Variants in GABRA4 observed in about 807,000 individuals in gnomAD.
GABRA4 encodes the protein gamma-aminobutyric acid type A receptor subunit alpha4.
A neutral mutation model predicts 49.7 loss-of-function variants in GABRA4; 12 were observed. The observed-to-expected ratio is 0.24, with a 90% confidence interval of 0.15 to 0.39. The LOEUF (loss-of-function observed/expected upper bound fraction) is 0.39. Among genes scored for constraint, GABRA4 ranks in the 10% least tolerant of loss-of-function variants. The pLI, the probability that GABRA4 is intolerant of heterozygous loss-of-function variation, is 1.00. For missense variants in GABRA4, 506 were observed against 686.0 expected, an observed-to-expected ratio of 0.74 and a Z score of 2.93; for synonymous variants, 288 against 240.2, an observed-to-expected ratio of 1.20 and a Z score of -1.84.
At chr4:46,953,011 A>G (rs1722226038) in intron 8 of GABRA4, among the ~76,000 whole-genome samples, 1 of 152,088 alleles carries the variant, frequency 6.6e-6, no homozygotes, top group South Asian at 2.1e-4. Flanking sequence ...GCACCTGGCT[A>G]TGTGTTAGGA....
At chr4:46,942,878 A>G (rs1270729341) in intron 8 of GABRA4, among the ~76,000 whole-genome samples, 1 of 152,070 alleles carries the variant, frequency 6.6e-6, no homozygotes, top group Non-Finnish European at 1.5e-5. Flanking sequence ...TGCTTTGAAT[A>G]CAATATTTAT....
At chr4:46,984,536 A>G (rs1723467661) in intron 2 of GABRA4, among the ~76,000 whole-genome samples, 3 of 152,020 alleles carry the variant, frequency 2.0e-5, no homozygotes, top group African/African-American at 7.2e-5. Flanking sequence ...TAATCCATCA[A>G]TCCTGGTCTA....
intron 8 of GABRA4, among the ~76,000 whole-genome samples, chr4:46,961,730 G>A (rs542826103): frequency 5.9e-5 from 9 of 151,832 alleles, no homozygotes; most frequent in Non-Finnish European, 1.2e-4. Flanking sequence ...AAATACCATA[G>A]ACTGTATTTA....
chr4:46,991,828 T>C lies in GABRA4; in HGVS notation c.205+1000A>G, dbSNP rs1033300208. Among the ~76,000 whole-genome samples, 4 of 152,244 alleles carry C rather than the reference T, an allele frequency of 2.6e-5. No individual in the cohort carries two copies. In the East Asian group the frequency reaches 7.7e-4, roughly 29 times the overall value. On this transcript the variant is annotated intron_variant, in intron 2 of 8. Transcript: ENST00000264318. ...ACAAAATGCCTGGTATATGTGAACA[T>C]TTAATTAAATAAATACAATATTACT...
At chr4:46,942,849 G>C (rs958129465) in intron 8 of GABRA4, among the ~76,000 whole-genome samples, 9 of 151,908 alleles carry the variant, frequency 5.9e-5, no homozygotes, top group Non-Finnish European at 8.8e-5. Context: ...TAATCTTCAG[G>C]TGAATGGGCC....
At chr4:46,930,635 A>ATTT (rs5858045) in intron 8 of GABRA4, among the ~76,000 whole-genome samples, 27 of 150,888 alleles carry the variant, frequency 1.8e-4, no homozygotes, top group East Asian at 3.9e-4. Flanking sequence ...AAAGAAATAC[A>ATTT]TTTTTTTTTC....
intron 2 of GABRA4, among the ~76,000 whole-genome samples, 197 bp from the exon 3 acceptor site, chr4:46,979,295 A>G (rs1723266323): frequency 6.6e-6 from 1 of 152,118 alleles, no homozygotes; most frequent in Non-Finnish European, 1.5e-5. Context: ...GTGTTTACTT[A>G]CAGGCAAAAA....
At position 46,965,239 on chromosome 4, in the gene GABRA4, A is replaced by C. The variant is rs764691765; in HGVS notation, c.875-10T>G. 4 of 1,426,288 alleles carry C rather than the reference A, an allele frequency of 2.8e-6. No individual in the cohort carries two copies. In the South Asian group the frequency reaches 7.0e-5, roughly 25 times the overall value. The allele number at this position is 1,426,288 out of a possible 1,614,324, so 88.4% of individuals were successfully genotyped here. On this transcript the variant is annotated splice_polypyrimidine_tract_variant and intron_variant, in intron 7 of 8. Transcript: ENST00000264318. ...AGGACAGTTGTTATTCCTTCAAAGC[A>C]AAAGAGCAGAGAGACAAAACACCTT...
intron 2 of GABRA4, among the ~76,000 whole-genome samples, chr4:46,989,208 G>A (rs1344464201): frequency 1.3e-5 from 2 of 152,162 alleles, no homozygotes; most frequent in Non-Finnish European, 2.9e-5. Context: ...AATGAGTGAC[G>A]GCAGGTTTCC....
chr4:46,940,006 C>A (rs1436789921), intron 8 of GABRA4, among the ~76,000 whole-genome samples: 2 of 151,926 alleles, frequency 1.3e-5, no homozygotes, highest in African/African-American at 2.4e-5. Context: ...CTACAGAAAA[C>A]TGTATCTTAA....
Position 46,923,630 on chromosome 4 carries a change from A to G in GABRA4, c.*4595T>C, listed in dbSNP as rs1316009532. Reference sequence around the variant, plus strand: ...CAAAGTTTAAGACAGGAAAGAAAAAATAAGAGATCTCAACTGTTCCACTAC... The same window carrying G: ...CAAAGTTTAAGACAGGAAAGAAAAAGTAAGAGATCTCAACTGTTCCACTAC... On this transcript the variant is annotated 3_prime_UTR_variant, in exon 9 of 9. Coordinates refer to ENST00000264318, the MANE Select transcript of GABRA4 (RefSeq NM_000809.4). The G allele has an allele frequency of 2.0e-5, 3 of 152,286 alleles. No homozygotes were observed. The highest frequency in any genetic ancestry group is 7.2e-5 in the African/African-American group (3 of 41,572). The allele number at this position is 152,286 out of a possible 1,614,324, so 9.4% of individuals were successfully genotyped here. A position where few individuals can be genotyped will look rare whatever the true frequency, so the allele number is the denominator to read the frequency against.
rs753432226 is a variant in GABRA4, at chr4:46,928,748, T to A, written c.1142A>T (p.Asn381Ile). Reference protein sequence around the residue: ...KHPEAPLQNTNANLNMRKRTN... With the variant: ...KHPEAPLQNTIANLNMRKRTN... The stretch of plus-strand genomic sequence containing the variant: ...TCTTTTTCTCATGTTCAAATTGGCA[T>A]TTGTATTCTGAAAAGGTATATGAAA... The change falls in exon 9 of 9, where the codon AAT (asparagine) becomes ATT (isoleucine). Residue 381 changes from asparagine to isoleucine, a missense_variant. Around this residue, in one of 5 missense-constraint regions of GABRA4, gnomAD observed 243 missense variants for 210.8 expected, o/e 1.15. Transcript: ENST00000264318. The A allele has an allele frequency of 6.2e-7, 1 of 1,606,576 alleles. No individual in the cohort carries two copies. The highest frequency in any genetic ancestry group is 8.5e-7 in the Non-Finnish European group (1 of 1,174,656).
Position 46,991,762 on chromosome 4 carries a change from T to C in GABRA4, c.205+1066A>G, listed in dbSNP as rs545916173. Among the ~76,000 whole-genome samples, 6 of 137,118 alleles carry C rather than the reference T, an allele frequency of 4.4e-5. No homozygotes were observed. The East Asian group carries it at 1.1e-3, about 25-fold the overall frequency. 90.0% of individuals were successfully genotyped at this position (137,118 alleles called of 152,430 possible). ...TGTAAAGTGGGGATGGTAATGGCTT[T>C]CAAAGCTTTGTTGTGAGGGTTAAAC... On this transcript the variant is annotated intron_variant, in intron 2 of 8. Coordinates refer to ENST00000264318, the MANE Select transcript of GABRA4 (RefSeq NM_000809.4).
intron 8 of GABRA4, among the ~76,000 whole-genome samples, chr4:46,939,354 T>C (rs531043470): frequency 6.6e-6 from 1 of 152,146 alleles, no homozygotes; most frequent in South Asian, 2.1e-4. Context: ...ATTTCTACAA[T>C]GTATTGAGCC....
intron 2 of GABRA4, among the ~76,000 whole-genome samples, chr4:46,989,683 A>G (rs1193599432): frequency 6.6e-6 from 1 of 152,204 alleles, no homozygotes; most frequent in East Asian, 1.9e-4. Flanking sequence ...AAACCATCCA[A>G]TTTCAATTCA....
intron 7 of GABRA4, among the ~76,000 whole-genome samples, chr4:46,966,074 A>T (rs542593299): frequency 6.6e-6 from 1 of 151,594 alleles, no homozygotes; most frequent in African/African-American, 2.4e-5. Context: ...TAGCAGAAAA[A>T]TTCTCCTTGC....
intron 5 of GABRA4, among the ~76,000 whole-genome samples, chr4:46,976,120 ATT>A (rs1219001144): frequency 2.0e-5 from 3 of 151,806 alleles, no homozygotes; most frequent in Non-Finnish European, 4.4e-5. Context: ...AGGCAATCAC[ATT>A]TTGCTGCCAT....
chr4:46,978,974 T>C (rs1577790000), intron 3 of GABRA4, 57 bp downstream of exon 3: 1 of 1,143,982 alleles, frequency 8.7e-7, no homozygotes, highest in Admixed American at 1.7e-5. Context: ...AATTGCCCTC[T>C]TTTCTACATG....
chr4:46,946,064 T>C (rs1159805686), intron 8 of GABRA4, among the ~76,000 whole-genome samples: 3 of 152,128 alleles, frequency 2.0e-5, no homozygotes, highest in Non-Finnish European at 2.9e-5. Context: ...TCCAGCACTA[T>C]TTTGAAAACA....
Sources: gnomAD v4.1 joint callset for allele counts (sites outside exome capture counted in the v4.1 genomes callset) on GRCh38, gnomAD v4.1.1 for gene constraint, gnomAD v4.1.1 regional missense constraint, MANE v1.5 for transcripts, NCBI Gene and HGNC (gene_info 2026-07-23, HGNC 2026-07-21) for gene names.